ZNF454: variants seen among roughly 807,000 people sequenced by gnomAD.
The protein encoded by ZNF454 is zinc finger protein 454.
Under a neutral mutation model 48.2 loss-of-function variants are expected in ZNF454, and 30 were observed. That is an observed-to-expected ratio of 0.62 (90% CI 0.47 to 0.84). The LOEUF is 0.84. ZNF454 is among the 40% of genes least tolerant of loss of function. The probability of loss-of-function intolerance (pLI) is 0.00; values close to 1 mark genes in which losing one functional copy is unlikely to be tolerated. For missense variants in ZNF454, 510 were observed against 623.1 expected, an observed-to-expected ratio of 0.82 and a Z score of 1.93; for synonymous variants, 204 against 211.4, an observed-to-expected ratio of 0.97 and a Z score of 0.30.
chr5:178,973,704 G>T, the ZNF454 span, among the ~76,000 whole-genome samples: 1 of 152,104 alleles, frequency 6.6e-6, no homozygotes, highest in African/African-American at 2.4e-5. Context: ...ATTAGCCGGT[G>T]TGGTGGCGGG....
chr5:178,988,536 G>A, the ZNF454 span, among the ~76,000 whole-genome samples: 8 of 152,278 alleles, frequency 5.3e-5, no homozygotes, highest in East Asian at 7.7e-4. This position sits in a 1 kb window ranked among gnomAD's most constrained non-coding sequence, Gnocchi z 6.0. Flanking sequence ...TGTGCCTGGC[G>A]CATGACTCAG....
At chr5:178,968,063 G>T (rs1359573108), downstream of ZNF454, among the ~76,000 whole-genome samples, 1 of 150,752 alleles carries the variant, frequency 6.6e-6, no homozygotes, top group Non-Finnish European at 1.5e-5. Context: ...TAATCCTTCA[G>T]TGCTTTCAGT....
At chr5:178,986,707 G>C in the ZNF454 span, 3 of 1,604,640 alleles carry the variant, frequency 1.9e-6, no homozygotes, top group African/African-American at 1.3e-5. Flanking sequence ...GCTGCACAGA[G>C]ACGAGGGCAC....
chr5:178,942,878 A>T, intron 2 of ZNF454, 54 bp downstream of exon 2: 1 of 1,583,222 alleles, frequency 6.3e-7, no homozygotes, highest in South Asian at 1.2e-5. Flanking sequence ...AGAGTGTGGC[A>T]TGTTTGCTTC....
At chr5:178,970,188 G>A (rs1278047484), downstream of ZNF454, among the ~76,000 whole-genome samples, 1 of 152,076 alleles carries the variant, frequency 6.6e-6, no homozygotes, top group Non-Finnish European at 1.5e-5. Flanking sequence ...ATCCAAGAAC[G>A]CCATAGCCTC....
At chr5:178,983,646 T>C in the ZNF454 span, 2 of 343,750 alleles carry the variant, frequency 5.8e-6, no homozygotes, top group Admixed American at 8.1e-5. Context: ...TCACGTGTAC[T>C]GAGCTTCAAA....
chr5:178,978,321 T>A, the ZNF454 span: 11 of 152,194 alleles, frequency 7.2e-5, no homozygotes, highest in Admixed American at 1.3e-4. Flanking sequence ...AAGACCTAAG[T>A]CAAACTTTTG....
chr5:178,967,627 T>G (rs1760181942), downstream of ZNF454, among the ~76,000 whole-genome samples: 1 of 152,058 alleles, frequency 6.6e-6, no homozygotes, highest in African/African-American at 2.4e-5. Flanking sequence ...AAGTGGTCAC[T>G]AGCACCATTG....
At chr5:178,951,255 T>C (rs980178439) in intron 4 of ZNF454, among the ~76,000 whole-genome samples, 7 of 152,268 alleles carry the variant, frequency 4.6e-5, no homozygotes, top group African/African-American at 1.7e-4. Context: ...ATTTTGAATA[T>C]CGTACATCAT....
intron 4 of ZNF454, among the ~76,000 whole-genome samples, chr5:178,959,052 G>A (rs1759893053): frequency 6.6e-6 from 1 of 150,440 alleles, no homozygotes; most frequent in Admixed American, 6.6e-5. Context: ...TATGGTTAAC[G>A]CTTGTTGTGT....
At chr5:178,942,403 C>T (rs1759138265) in intron 1 of ZNF454, 1 of 174,920 alleles carries the variant, frequency 5.7e-6, no homozygotes, top group Admixed American at 6.2e-5. Flanking sequence ...GAGACTCTGT[C>T]TCAAACAAAC....
the ZNF454 span, chr5:178,986,379 G>A: frequency 3.1e-3 from 5,014 of 1,614,020 alleles, 8 homozygotes; most frequent in Non-Finnish European, 3.4e-3. Flanking sequence ...TGAGGAGGAC[G>A]TAGCTGAGCT....
At chr5:178,969,745 C>T (rs187719272), downstream of ZNF454, 9 of 429,690 alleles carry the variant, frequency 2.1e-5, no homozygotes, top group Admixed American at 2.5e-5. Flanking sequence ...CGGAGCGTTC[C>T]GAGACCCATC....
the ZNF454 span, among the ~76,000 whole-genome samples, chr5:178,978,047 A>C: frequency 6.6e-6 from 1 of 151,740 alleles, no homozygotes; most frequent in Non-Finnish European, 1.5e-5. Context: ...CATTTTTGAA[A>C]CCCCCCAAGC....
chr5:178,983,536 T>C, the ZNF454 span: 1 of 559,430 alleles, frequency 1.8e-6, no homozygotes, highest in East Asian at 4.0e-5. Context: ...TCCTGCATTC[T>C]AGCCATTACC....
the ZNF454 span, chr5:178,985,797 TGAC>T: frequency 1.9e-6 from 1 of 514,212 alleles, no homozygotes; most frequent in Non-Finnish European, 3.7e-6. Flanking sequence ...GGTCTTACTC[TGAC>T]ACCCAAGCTG....
At chr5:178,986,690 A>G in the ZNF454 span, 2 of 1,604,258 alleles carry the variant, frequency 1.2e-6, no homozygotes, top group Non-Finnish European at 8.5e-7. Context: ...CCCGGCCCGC[A>G]GGGCAGGCTG....
the ZNF454 span, chr5:178,986,740 T>C: frequency 6.2e-7 from 1 of 1,606,954 alleles, no homozygotes; most frequent in Non-Finnish European, 8.5e-7. Flanking sequence ...GCCAGACCAC[T>C]GCAGGGCCTC....
At chr5:178,983,164 C>T in the ZNF454 span, 5 of 1,613,840 alleles carry the variant, frequency 3.1e-6, no homozygotes, top group Non-Finnish European at 4.2e-6. Flanking sequence ...CGCTGTTCCT[C>T]ATAGTCAATC....
Sources: allele counts gnomAD v4.1 joint callset (sites outside exome capture counted in the v4.1 genomes callset), GRCh38; gene constraint gnomAD v4.1.1; non-coding constraint Gnocchi (gnomAD v3.1); transcripts MANE v1.5; gene names NCBI Gene and HGNC (gene_info 2026-07-23, HGNC 2026-07-21).